ANKRD29: variants seen among roughly 807,000 people sequenced by gnomAD.
ANKRD29 encodes the protein ankyrin repeat domain-containing protein 29.
A neutral mutation model predicts 38.0 loss-of-function variants in ANKRD29; 32 were observed. The observed-to-expected ratio is 0.84, with a 90% CI of 0.64 to 1.13. The LOEUF (loss-of-function observed/expected upper bound fraction) is 1.13. Ranked by LOEUF, ANKRD29 falls within the 50% of genes most tolerant of loss-of-function variation. ANKRD29 has a pLI of 0.00. For missense variants in ANKRD29, 357 were observed against 377.9 expected, an observed-to-expected ratio of 0.94 and a Z score of 0.46; for synonymous variants, 135 against 152.4, an observed-to-expected ratio of 0.89 and a Z score of 0.84.
At chr18:23,630,960 C>T (rs1401229766) in intron 5 of ANKRD29, among the ~76,000 whole-genome samples, 4 of 124,926 alleles carry the variant, frequency 3.2e-5, no homozygotes, top group Non-Finnish European at 6.8e-5. Context: ...AAAGTGAGAC[C>T]CTGTCTCAAA....
intron 7 of ANKRD29, chr18:23,618,663 G>C (rs1190141980): frequency 6.6e-6 from 1 of 152,036 alleles, no homozygotes; most frequent in Admixed American, 6.5e-5. Flanking sequence ...TTATTTTTTG[G>C]CTCAAGAACA....
intron 6 of ANKRD29, among the ~76,000 whole-genome samples, chr18:23,623,942 G>T (rs554275881): frequency 6.6e-6 from 1 of 151,608 alleles, no homozygotes; most frequent in African/African-American, 2.4e-5. Context: ...CGCGTCTGGC[G>T]ATTTTATATA....
Position 23,619,698 on chromosome 18 carries a change from T to C in ANKRD29, c.529-69A>G, listed in dbSNP as rs2059772148. On this transcript the variant is annotated intron_variant, in intron 6 of 9. Transcript: ENST00000592179. ...GCCCCACCCGCTCACAGAACGTCTT[T>C]AACACCAGGGGTCTGAAAGCGAAAA... 3.0e-6 allele frequency: 4 copies of C among 1,355,014 alleles called. No homozygotes were observed. The South Asian group carries it at 4.2e-5, about 14-fold the overall frequency. The allele number at this position is 1,355,014 out of a possible 1,614,324, so 83.9% of individuals were successfully genotyped here.
chr18:23,630,288 G>T (rs375370837), intron 5 of ANKRD29, among the ~76,000 whole-genome samples: 3 of 152,316 alleles, frequency 2.0e-5, no homozygotes, highest in South Asian at 4.1e-4. Context: ...TTAGCCAGGC[G>T]TGGTGGCGGG....
At chr18:23,632,640 C>A (rs2059949128) in intron 5 of ANKRD29, among the ~76,000 whole-genome samples, 2 of 151,786 alleles carry the variant, frequency 1.3e-5, no homozygotes, top group African/African-American at 4.8e-5. Flanking sequence ...CATGTGAGAA[C>A]TACCTGTTGC....
At chr18:23,649,297 G>T in intron 1 of ANKRD29, 104 bp from the exon 2 acceptor site, 1 of 857,684 alleles carries the variant, frequency 1.2e-6, no homozygotes, top group Non-Finnish European at 1.9e-6. Flanking sequence ...ATCCAGATGT[G>T]TTGCATCATT....
At chr18:23,631,542 A>G (rs1356071736) in intron 5 of ANKRD29, among the ~76,000 whole-genome samples, 1 of 152,136 alleles carries the variant, frequency 6.6e-6, no homozygotes, top group South Asian at 2.1e-4. Context: ...CACCATATCC[A>G]GATGACCCTG....
chr18:23,659,762 C>T (rs1430576656), intron 1 of ANKRD29, among the ~76,000 whole-genome samples: 1 of 135,980 alleles, frequency 7.4e-6, no homozygotes. Context: ...AAAAAAAAAA[C>T]AAAAAACAAA....
intron 8 of ANKRD29, among the ~76,000 whole-genome samples, chr18:23,612,948 T>C (rs1402701305): frequency 6.6e-6 from 1 of 152,144 alleles, no homozygotes; most frequent in Admixed American, 6.6e-5. Flanking sequence ...AAATAGTACC[T>C]AATGCAAACT....
In ANKRD29 at chr18:23,600,888, G is replaced by A. The variant is rs545642215; in HGVS notation, c.*338C>T. The A allele has an allele frequency of 3.2e-5, 6 of 188,686 alleles. No individual in the cohort carries two copies. Among genetic ancestry groups the A allele is most frequent in the African/African-American group, 1.4e-4 (6 of 42,818 alleles). The allele number at this position is 188,686 out of a possible 1,614,324, so 11.7% of individuals were successfully genotyped here. On this transcript the variant is annotated 3_prime_UTR_variant, in exon 10 of 10. Coordinates refer to ENST00000592179, the MANE Select transcript of ANKRD29 (RefSeq NM_173505.4). ...ACAAAGCATTCTGTCTCCTTGCTTA[G>A]TACTGAGAACCCTGTCCACCTTAGA...
chr18:23,632,334 C>T (rs1022993460), intron 5 of ANKRD29, among the ~76,000 whole-genome samples: 3 of 151,780 alleles, frequency 2.0e-5, no homozygotes, highest in African/African-American at 4.8e-5. Flanking sequence ...GGTTCTGCCC[C>T]GCCCATCCAT....
intron 3 of ANKRD29, among the ~76,000 whole-genome samples, chr18:23,644,854 C>A (rs572294297): frequency 5.9e-4 from 90 of 152,228 alleles, no homozygotes; most frequent in Middle Eastern, 6.8e-3. Flanking sequence ...TAGGTGTAGA[C>A]CACCATGTCT....
chr18:23,659,759 A>T (rs1598554190), intron 1 of ANKRD29, among the ~76,000 whole-genome samples: 2 of 151,596 alleles, frequency 1.3e-5, no homozygotes, highest in East Asian at 3.9e-4. Context: ...ACAAAAAAAA[A>T]AACAAAAAAC....
intron 4 of ANKRD29, among the ~76,000 whole-genome samples, chr18:23,638,061 G>C (rs952442263): frequency 7.4e-6 from 1 of 135,860 alleles, no homozygotes; most frequent in Non-Finnish European, 1.5e-5. Context: ...GCAGTAGCGT[G>C]ATCTTGGCTC....
At chr18:23,659,723 C>G (rs1388187293) in intron 1 of ANKRD29, among the ~76,000 whole-genome samples, 2 of 145,396 alleles carry the variant, frequency 1.4e-5, no homozygotes, top group Non-Finnish European at 3.0e-5. Flanking sequence ...AGCCTGATGA[C>G]AGAGTGAGAC....
intron 8 of ANKRD29, among the ~76,000 whole-genome samples, chr18:23,613,689 TC>T (rs2059674502): frequency 6.7e-6 from 1 of 149,456 alleles, no homozygotes. Flanking sequence ...AAGCTCTGCC[TC>T]CCGGGTTCAC....
At chr18:23,646,369 T>C in intron 2 of ANKRD29, 82 bp from the exon 3 acceptor site, 1 of 1,239,974 alleles carries the variant, frequency 8.1e-7, no homozygotes, top group Non-Finnish European at 1.2e-6. Context: ...TGCAGAGATG[T>C]CAGCTCCACT....
intron 1 of ANKRD29, among the ~76,000 whole-genome samples, chr18:23,657,739 T>A (rs2060303507): frequency 6.6e-6 from 1 of 152,252 alleles, no homozygotes; most frequent in African/African-American, 2.4e-5. Flanking sequence ...GTTTCATCTA[T>A]GTTGTAGCAT....
intron 1 of ANKRD29, among the ~76,000 whole-genome samples, chr18:23,660,760 T>C (rs1224264738): frequency 3.3e-5 from 5 of 152,214 alleles, no homozygotes; most frequent in Non-Finnish European, 4.4e-5. Context: ...TGAGCCAAGA[T>C]TGCGCCACTG....
Sources: allele counts gnomAD v4.1 joint callset (sites outside exome capture counted in the v4.1 genomes callset), GRCh38; gene constraint gnomAD v4.1.1; transcripts MANE v1.5; gene names NCBI Gene and HGNC (gene_info 2026-07-23, HGNC 2026-07-21).